The following ERC2 variants were observed in gnomAD, a reference collection of about 807,000 sequenced individuals.
ERC2 encodes the protein ELKS/RAB6-interacting/CAST family member 2, also known as ERC protein 2.
Under a neutral mutation model 114.8 loss-of-function variants are expected in ERC2, and 42 were observed. That is an observed-to-expected ratio of 0.37 (90% CI 0.29 to 0.47). The LOEUF is 0.47. Ranked by LOEUF, ERC2 falls within the 20% of genes least tolerant of loss-of-function variation. ERC2 has a pLI of 0.99. For synonymous variants in ERC2, 454 were observed against 425.5 expected (o/e 1.07, Z -0.82); for missense variants, 939 against 1,150.7 (o/e 0.82, Z 2.66).
intron 2 of ERC2, among the ~76,000 whole-genome samples, chr3:56,389,456 C>A (rs1023158898): frequency 2.6e-5 from 4 of 152,056 alleles, no homozygotes; most frequent in African/African-American, 9.7e-5. Flanking sequence ...AGGGAAACCC[C>A]AGCTCATGAC....
chr3:55,770,921 T>G (rs975055117), intron 14 of ERC2, among the ~76,000 whole-genome samples: 3 of 152,128 alleles, frequency 2.0e-5, no homozygotes, highest in Non-Finnish European at 2.9e-5. Flanking sequence ...CTGTGTTAGT[T>G]TGCTGAGAAT....
intron 7 of ERC2, among the ~76,000 whole-genome samples, chr3:56,042,229 T>C (rs1291316394): frequency 6.6e-6 from 1 of 152,218 alleles, no homozygotes; most frequent in Non-Finnish European, 1.5e-5. Context: ...CAAAACCTGA[T>C]CTTCCATTTC....
rs1486131698 is a variant in ERC2, at chr3:55,699,442, T to C, written c.2783A>G (p.His928Arg). ...DDHHHYHHHH[H>R]HHHHRSPGRS... is the part of the protein sequence containing the mutation. ...CCCAGGAGATCGATGGTGGTGGTGATGGTGGTGGTGGTGGTAATGGTGATG... is the reference window on the plus strand; with the variant it reads ...CCCAGGAGATCGATGGTGGTGGTGACGGTGGTGGTGGTGGTAATGGTGATG... Residue 928 changes from histidine to arginine, a missense_variant, in exon 16 of 18, where the codon CAT (histidine) becomes CGT (arginine). His to Arg is a conservative substitution (Grantham distance 29). This residue lies in a region of ERC2 where 328 missense variants were observed against 353.9 expected (regional missense o/e 0.93). Transcript: ENST00000288221. The C allele has an allele frequency of 6.2e-7, 1 of 1,609,632 alleles. No individual in the cohort carries two copies.
At chr3:55,866,683 A>T (rs2062332102) in intron 14 of ERC2, among the ~76,000 whole-genome samples, 1 of 152,176 alleles carries the variant, frequency 6.6e-6, no homozygotes, top group South Asian at 2.1e-4. Flanking sequence ...AGTTTTAAGA[A>T]ATCATCCATT....
chr3:56,101,711 G>A (rs17216545), intron 6 of ERC2, among the ~76,000 whole-genome samples: 2,745 of 152,252 alleles, frequency 0.018, 103 homozygotes, highest in East Asian at 0.15. Flanking sequence ...ATCCAGGTCC[G>A]GAGTAGCCAT....
intron 14 of ERC2, among the ~76,000 whole-genome samples, chr3:55,764,501 G>A (rs1456687793): frequency 1.3e-5 from 2 of 152,208 alleles, no homozygotes; most frequent in East Asian, 3.8e-4. Context: ...CCTCAGTTAG[G>A]TGTTGGCTGA....
At chr3:56,059,394 G>A (rs999025661) in intron 7 of ERC2, among the ~76,000 whole-genome samples, 3 of 152,064 alleles carry the variant, frequency 2.0e-5, no homozygotes, top group Non-Finnish European at 4.4e-5. Context: ...CGGCCACATA[G>A]AGATATTTAT....
At chr3:55,735,846 C>T (rs1203862190) in intron 14 of ERC2, among the ~76,000 whole-genome samples, 2 of 152,130 alleles carry the variant, frequency 1.3e-5, no homozygotes, top group Non-Finnish European at 2.9e-5. Context: ...TTTAGTGATG[C>T]TCCTTTGCCA....
At chr3:55,929,748 T>C (rs1290334173) in intron 13 of ERC2, among the ~76,000 whole-genome samples, 1 of 152,126 alleles carries the variant, frequency 6.6e-6, no homozygotes. Context: ...TGATAATGAG[T>C]TCTCAGGAGA....
chr3:55,681,891 G>A (rs1462473670), intron 17 of ERC2, among the ~76,000 whole-genome samples: 1 of 152,120 alleles, frequency 6.6e-6, no homozygotes, highest in Non-Finnish European at 1.5e-5. Context: ...CATGAATCTT[G>A]TGAAAGAGCA....
At chr3:56,151,265 C>T (rs912549207) in intron 4 of ERC2, among the ~76,000 whole-genome samples, 1 of 152,104 alleles carries the variant, frequency 6.6e-6, no homozygotes, top group South Asian at 2.1e-4. Flanking sequence ...CGGGGTTTCA[C>T]CATGTTGGCC....
chr3:55,589,124 A>G (rs2057740175), intron 17 of ERC2, among the ~76,000 whole-genome samples: 1 of 150,348 alleles, frequency 6.7e-6, no homozygotes, highest in Non-Finnish European at 1.5e-5. Flanking sequence ...CACACCTGTC[A>G]TCCTAGCGCT....
intron 6 of ERC2, among the ~76,000 whole-genome samples, chr3:56,109,303 T>C (rs968556369): frequency 1.4e-4 from 22 of 152,340 alleles, no homozygotes; most frequent in African/African-American, 5.3e-4. Flanking sequence ...TTTAGTTTGC[T>C]AAAGATAATG....
At chr3:55,605,640 A>C (rs1033287777) in intron 17 of ERC2, among the ~76,000 whole-genome samples, 4 of 152,204 alleles carry the variant, frequency 2.6e-5, no homozygotes, top group African/African-American at 7.2e-5. Flanking sequence ...CATTCAAAGA[A>C]ATTTTTATTG....
At chr3:56,432,514 C>G (rs9857355) in intron 2 of ERC2, among the ~76,000 whole-genome samples, 105,469 of 152,142 alleles carry the variant, frequency 0.69, 36,679 homozygotes, top group Admixed American at 0.76. Flanking sequence ...AAGAACAAAC[C>G]TTTCGGTTCC....
At chr3:55,972,308 G>A (rs528451019) in intron 12 of ERC2, among the ~76,000 whole-genome samples, 31 of 152,256 alleles carry the variant, frequency 2.0e-4, no homozygotes, top group East Asian at 1.2e-3. Context: ...TGTGCAGAAC[G>A]TGCAGGTTTG....
chr3:56,234,988 A>G (rs1166011567), intron 3 of ERC2, among the ~76,000 whole-genome samples: 1 of 152,194 alleles, frequency 6.6e-6, no homozygotes, highest in Non-Finnish European at 1.5e-5. Context: ...GTTGGGATAC[A>G]GACATCATGA....
intron 6 of ERC2, among the ~76,000 whole-genome samples, chr3:56,123,187 T>A (rs1213220913): frequency 6.6e-6 from 1 of 152,032 alleles, no homozygotes; most frequent in Non-Finnish European, 1.5e-5. Flanking sequence ...ACCCCCAAAA[T>A]TCATATGTTG....
At chr3:56,196,029 A>G (rs1405338562) in intron 3 of ERC2, among the ~76,000 whole-genome samples, 1 of 152,114 alleles carries the variant, frequency 6.6e-6, no homozygotes, top group Non-Finnish European at 1.5e-5. Flanking sequence ...TAGAAACACC[A>G]AAGCACGAGG....
Sources: gnomAD v4.1 joint callset for allele counts (sites outside exome capture counted in the v4.1 genomes callset) on GRCh38, gnomAD v4.1.1 for gene constraint, gnomAD v4.1.1 regional missense constraint, MANE v1.5 for transcripts, NCBI Gene and HGNC (gene_info 2026-07-23, HGNC 2026-07-21) for gene names.